Variants in LRRC37A2 observed in about 807,000 individuals in gnomAD.
The protein encoded by LRRC37A2 is leucine rich repeat containing 37 member A2, also known as leucine-rich repeat-containing protein 37A2.
In LRRC37A2, 9 loss-of-function variants were observed where a neutral mutation model predicts 68.8. The observed-to-expected ratio is 0.13, with a 90% CI of 0.08 to 0.23. The LOEUF is 0.23. LRRC37A2 is among the 10% of genes least tolerant of loss of function. The pLI, the probability that LRRC37A2 is intolerant of heterozygous loss-of-function variation, is 1.00. For missense variants in LRRC37A2, 168 were observed against 950.4 expected, an observed-to-expected ratio of 0.18 and a Z score of 10.82; for synonymous variants, 63 against 367.6, an observed-to-expected ratio of 0.17 and a Z score of 9.48.
the LRRC37A2 span, among the ~76,000 whole-genome samples, chr17:46,828,717 G>A: frequency 1.3e-5 from 2 of 152,094 alleles, no homozygotes; most frequent in Non-Finnish European, 1.5e-5. Context: ...CAGCACTTTG[G>A]GAGGCCAAGG....
the LRRC37A2 span, chr17:46,755,544 C>A: frequency 1.4e-5 from 10 of 693,132 alleles, no homozygotes; most frequent in Non-Finnish European, 2.2e-5. Context: ...TTGGTTTGCT[C>A]TCCCTGTCCT....
the LRRC37A2 span, chr17:47,021,922 G>A: frequency 4.4e-5 from 66 of 1,515,186 alleles, no homozygotes; most frequent in Admixed American, 8.4e-5. Context: ...CCGAGAAACT[G>A]TGAGTATATT....
chr17:46,985,507 G>A, the LRRC37A2 span, among the ~76,000 whole-genome samples: 14 of 143,878 alleles, frequency 9.7e-5, no homozygotes, highest in Non-Finnish European at 1.8e-4. Flanking sequence ...GAGACAAAGT[G>A]AGATTCCATC....
the LRRC37A2 span, chr17:46,726,496 T>C: frequency 6.5e-7 from 1 of 1,533,520 alleles, no homozygotes; most frequent in Non-Finnish European, 9.0e-7. Flanking sequence ...TTCTTGGAAA[T>C]TGTCGTAACT....
the LRRC37A2 span, among the ~76,000 whole-genome samples, chr17:46,985,853 CTCTG>C: frequency 4.6e-5 from 7 of 152,226 alleles, no homozygotes; most frequent in Non-Finnish European, 1.0e-4. Context: ...ATGGGCCCTC[CTCTG>C]TCTTCTTCTG....
chr17:46,802,324 G>C, the LRRC37A2 span, among the ~76,000 whole-genome samples: 1 of 152,338 alleles, frequency 6.6e-6, no homozygotes, highest in Middle Eastern at 3.4e-3. Context: ...GGAGTGCAGT[G>C]TTGTGATCTC....
chr17:46,671,592 A>G, the LRRC37A2 span, among the ~76,000 whole-genome samples: 1 of 40,008 alleles, frequency 2.5e-5, no homozygotes, highest in Non-Finnish European at 6.1e-5. Flanking sequence ...TCCTAAAAGA[A>G]TTATAGTTCT....
In LRRC37A2 at chr17:46,526,411, G is replaced by T. The variant is rs571740866; in HGVS notation, c.2906+2527G>T. Among the ~76,000 whole-genome samples, 32 of 102,568 alleles carry T rather than the reference G, an allele frequency of 3.1e-4. 1 individual carries two copies. In the East Asian group the frequency reaches 7.6e-3, roughly 24 times the overall value. The allele number at this position is 102,568 out of a possible 152,430, so 67.3% of individuals were successfully genotyped here. A position where few individuals can be genotyped will look rare whatever the true frequency, so the allele number is the denominator to read the frequency against. On this transcript the variant is annotated intron_variant, in intron 6 of 14. Coordinates refer to ENST00000576629, the Ensembl canonical transcript of LRRC37A2. ...ACAAACAAAAAAAGAGGCCCCAGCT[G>T]TGGTTGATCGATGATGAATAGAGCC...
chr17:46,392,470 T>C, the LRRC37A2 span, among the ~76,000 whole-genome samples: 4 of 61,606 alleles, frequency 6.5e-5, no homozygotes, highest in Non-Finnish European at 1.4e-4. Context: ...TCTTTCTTTC[T>C]TTCCTTTCTT....
At chr17:46,856,297 G>T in the LRRC37A2 span, among the ~76,000 whole-genome samples, 1 of 152,142 alleles carries the variant, frequency 6.6e-6, no homozygotes, top group Non-Finnish European at 1.5e-5. Context: ...GAATGAAAGG[G>T]CTGGATAGGG....
the LRRC37A2 span, among the ~76,000 whole-genome samples, chr17:46,834,092 G>GTTT: frequency 6.6e-6 from 1 of 152,178 alleles, no homozygotes; most frequent in Non-Finnish European, 1.5e-5. Flanking sequence ...CTACTCGGGA[G>GTTT]GCTGAGGGGA....
chr17:46,757,822 T>A, the LRRC37A2 span, among the ~76,000 whole-genome samples: 3 of 151,980 alleles, frequency 2.0e-5, no homozygotes, highest in Middle Eastern at 3.4e-3. Context: ...GGTGAAACCC[T>A]GTCTCTACTA....
chr17:46,986,196 T>C, the LRRC37A2 span, among the ~76,000 whole-genome samples: 1 of 152,154 alleles, frequency 6.6e-6, no homozygotes, highest in Non-Finnish European at 1.5e-5. Flanking sequence ...CAACACCGAC[T>C]AATATTTTGT....
chr17:46,743,476 T>C, the LRRC37A2 span, among the ~76,000 whole-genome samples: 1 of 152,198 alleles, frequency 6.6e-6, no homozygotes, highest in Non-Finnish European at 1.5e-5. Flanking sequence ...CGCATATTTA[T>C]GGTTGAGGAG....
chr17:46,909,298 C>A, the LRRC37A2 span, among the ~76,000 whole-genome samples: 1 of 152,072 alleles, frequency 6.6e-6, no homozygotes, highest in Non-Finnish European at 1.5e-5. Flanking sequence ...CCCAAAGTGC[C>A]GGGATTGCAG....
chr17:46,693,085 A>C, the LRRC37A2 span: 1 of 1,602,996 alleles, frequency 6.2e-7, no homozygotes. Context: ...TTACTTTTTA[A>C]AAAAGTACTA....
chr17:46,822,584 G>A, the LRRC37A2 span, among the ~76,000 whole-genome samples: 1 of 152,252 alleles, frequency 6.6e-6, no homozygotes, highest in Admixed American at 6.5e-5. Flanking sequence ...TCCGCTCCCT[G>A]CGGGCCCGGC....
the LRRC37A2 span, among the ~76,000 whole-genome samples, chr17:46,727,317 T>G: frequency 1.3e-5 from 2 of 152,298 alleles, no homozygotes; most frequent in South Asian, 2.1e-4. Flanking sequence ...GTTGTTAATT[T>G]TATTTCACTG....
At chr17:46,831,683 C>A in the LRRC37A2 span, 1 of 152,284 alleles carries the variant, frequency 6.6e-6, no homozygotes, top group South Asian at 2.1e-4. Context: ...GCCACTTGTT[C>A]CCCTCCGGGT....
Sources: gnomAD v4.1 joint callset for allele counts (sites outside exome capture counted in the v4.1 genomes callset) on GRCh38, gnomAD v4.1.1 for gene constraint, MANE v1.5 for transcripts, NCBI Gene and HGNC (gene_info 2026-07-23, HGNC 2026-07-21) for gene names.